The following SLAMF9 variants were observed in gnomAD, a reference collection of about 807,000 sequenced individuals.
The protein encoded by SLAMF9 is CD2 family member 10.
In SLAMF9, 25 loss-of-function variants were observed where a neutral mutation model predicts 30.4. The ratio of observed to expected loss-of-function variants is 0.82; its 90% confidence interval spans 0.60 to 1.15. SLAMF9 has a LOEUF of 1.15. Ranked by LOEUF, SLAMF9 falls within the 50% of genes most tolerant of loss-of-function variation. The pLI is 0.00. For synonymous variants in SLAMF9, 129 were observed against 127.2 expected (o/e 1.01, Z -0.09); for missense variants, 344 against 346.1 (o/e 0.99, Z 0.05).
At chr1:159,959,605 C>T in the SLAMF9 span, among the ~76,000 whole-genome samples, 1 of 152,130 alleles carries the variant, frequency 6.6e-6, no homozygotes, top group Admixed American at 6.5e-5. Flanking sequence ...TGCCTGTCGC[C>T]TCTGACTCTC....
At chr1:159,952,169 C>G (rs1651768260) in intron 3 of SLAMF9, 93 bp downstream of exon 3, 2 of 1,462,578 alleles carry the variant, frequency 1.4e-6, no homozygotes, top group African/African-American at 2.8e-5. Flanking sequence ...TTCTGAATTC[C>G]CTGGGCTCTC....
intron 1 of SLAMF9, 128 bp from the exon 2 acceptor site, chr1:159,953,781 T>C: frequency 1.2e-6 from 1 of 832,042 alleles, no homozygotes; most frequent in Non-Finnish European, 1.8e-6. Flanking sequence ...CTAAATCCTG[T>C]TCTCCAGCTG....
the SLAMF9 span, among the ~76,000 whole-genome samples, chr1:159,982,204 C>G: frequency 6.6e-6 from 1 of 152,196 alleles, no homozygotes; most frequent in Admixed American, 6.5e-5. Context: ...TGTTTACTTA[C>G]AAGATAAATT....
the SLAMF9 span, chr1:159,973,774 CA>C: frequency 6.2e-7 from 1 of 1,612,580 alleles, no homozygotes. Context: ...TCCTGCCCCA[CA>C]AACTCCCAAG....
chr1:159,972,736 T>G, the SLAMF9 span: 3 of 327,464 alleles, frequency 9.2e-6, no homozygotes, highest in Non-Finnish European at 1.1e-5. Flanking sequence ...AAGTACAGGA[T>G]TGGAGGGGAG....
chr1:159,978,350 T>C, the SLAMF9 span, among the ~76,000 whole-genome samples: 192 of 152,274 alleles, frequency 1.3e-3, 2 homozygotes, highest in African/African-American at 3.9e-3. Flanking sequence ...AAGGTGGCTT[T>C]AGACAGGACT....
At chr1:159,970,698 G>T in the SLAMF9 span, among the ~76,000 whole-genome samples, 1 of 152,128 alleles carries the variant, frequency 6.6e-6, no homozygotes, top group African/African-American at 2.4e-5. Context: ...TTTCTAAGAC[G>T]TGTGTGAGAG....
chr1:159,961,019 C>T, the SLAMF9 span, among the ~76,000 whole-genome samples: 6 of 152,124 alleles, frequency 3.9e-5, no homozygotes, highest in African/African-American at 9.7e-5. Flanking sequence ...TCTCATTTTC[C>T]TCATTCTTTC....
the SLAMF9 span, chr1:159,972,845 G>T: frequency 2.1e-6 from 2 of 946,852 alleles, no homozygotes; most frequent in South Asian, 7.3e-5. Flanking sequence ...CAGGAGCTGG[G>T]ACACACATGG....
At chr1:159,978,029 C>T in the SLAMF9 span, among the ~76,000 whole-genome samples, 4 of 152,224 alleles carry the variant, frequency 2.6e-5, no homozygotes, top group East Asian at 7.7e-4. Flanking sequence ...CCTCCCTCTT[C>T]CTACACAGAT....
chr1:159,983,417 C>G, the SLAMF9 span: 1 of 152,162 alleles, frequency 6.6e-6, no homozygotes, highest in Non-Finnish European at 1.5e-5. Flanking sequence ...TCCCCCTTTC[C>G]TAGGAAAAGG....
At chr1:159,966,943 T>G in the SLAMF9 span, among the ~76,000 whole-genome samples, 54,460 of 152,024 alleles carry the variant, frequency 0.36, 12,201 homozygotes, top group East Asian at 0.72. Context: ...GTTTTTTTGT[T>G]TGTTTTTGTT....
the SLAMF9 span, among the ~76,000 whole-genome samples, chr1:159,967,695 A>G: frequency 1.3e-5 from 2 of 152,186 alleles, no homozygotes; most frequent in Non-Finnish European, 2.9e-5. Flanking sequence ...TTGGGTTAAT[A>G]TGGACATTAT....
Position 159,952,469 on chromosome 1 carries a change from A to G in SLAMF9, c.457T>C (p.Ser153Pro), listed in dbSNP as rs765667493. 7.4e-6 allele frequency: 12 copies of G among 1,614,106 alleles called. No homozygotes were observed. The East Asian group carries it at 2.7e-4, about 36-fold the overall frequency. ...GCCTTCTCCACAGAGCACACCAGGGACATACTGCAGGCACCTTCCCCAGAA... is the reference window on the plus strand; with the variant it reads ...GCCTTCTCCACAGAGCACACCAGGGGCATACTGCAGGCACCTTCCCCAGAA... ...ESSGEGACSM[S>P]LVCSVEKAGM... The change falls in exon 3 of 4, where the codon TCC (serine) becomes CCC (proline). Residue 153 changes from serine to proline, a missense_variant. Transcript: ENST00000368093.
At chr1:159,973,754 G>T in the SLAMF9 span, 1 of 1,585,408 alleles carries the variant, frequency 6.3e-7, no homozygotes. Context: ...CGGGACCCCT[G>T]AGAGGCACCT....
the SLAMF9 span, chr1:159,965,769 G>A: frequency 6.6e-6 from 1 of 151,846 alleles, no homozygotes; most frequent in Non-Finnish European, 1.5e-5. Context: ...CCTTTTCCAG[G>A]GCTATTCACC....
Position 159,953,406 on chromosome 1 carries a change from G to A in SLAMF9, c.294C>T (p.Ser98=). 1 of 1,614,220 alleles carries A rather than the reference G, an allele frequency of 6.2e-7. No homozygotes were observed. The change falls in exon 2 of 4, where the codon AGC becomes AGT. Residue 98 remains serine, a synonymous_variant. Coordinates refer to ENST00000368093, the MANE Select transcript of SLAMF9 (RefSeq NM_033438.4). ...GCCCTGAATCCTCCCAGCTCAGATTGCTGATATGCAGGGAATAGCTGGGGT... is the reference window on the plus strand; with the variant it reads ...GCCCTGAATCCTCCCAGCTCAGATTACTGATATGCAGGGAATAGCTGGGGT... ...FLDPSYSLHI[S]NLSWEDSGLY... is the part of the protein sequence containing the mutation.
the SLAMF9 span, chr1:159,978,763 C>T: frequency 6.6e-6 from 1 of 152,248 alleles, no homozygotes; most frequent in Non-Finnish European, 1.5e-5. Flanking sequence ...CAGCTGCCCT[C>T]CCCACCAGAA....
chr1:159,957,897 A>G (rs1324970698), upstream of SLAMF9, among the ~76,000 whole-genome samples: 2 of 152,222 alleles, frequency 1.3e-5, no homozygotes, highest in African/African-American at 2.4e-5. Flanking sequence ...TCTGAGAAGC[A>G]GAAGCTGGAG....
Sources: gnomAD v4.1 joint callset for allele counts (sites outside exome capture counted in the v4.1 genomes callset) on GRCh38, gnomAD v4.1.1 for gene constraint, MANE v1.5 for transcripts, NCBI Gene and HGNC (gene_info 2026-07-23, HGNC 2026-07-21) for gene names.